Variants in KCNN2 observed in about 807,000 individuals in gnomAD.
KCNN2 encodes potassium calcium-activated channel subfamily N member 2, also known as small conductance calcium-activated potassium channel protein 2.
A neutral mutation model predicts 55.5 loss-of-function variants in KCNN2; 24 were observed. That is an observed-to-expected ratio of 0.43 (90% CI 0.31 to 0.61). The LOEUF (loss-of-function observed/expected upper bound fraction) is 0.61. Among genes scored for constraint, KCNN2 ranks in the 20% least tolerant of loss-of-function variants. The probability of loss-of-function intolerance (pLI) is 0.08; values close to 1 mark genes in which losing one functional copy is unlikely to be tolerated. For synonymous variants in KCNN2, 431 were observed against 336.1 expected (o/e 1.28, Z -3.09); for missense variants, 754 against 853.6 (o/e 0.88, Z 1.45).
At chr5:114,406,784 C>A (rs953238940) in intron 3 of KCNN2, among the ~76,000 whole-genome samples, 8 of 152,026 alleles carry the variant, frequency 5.3e-5, no homozygotes, top group African/African-American at 1.9e-4. Flanking sequence ...TTCTTGAACC[C>A]CATTTCACCC....
At chr5:114,149,574 G>A (rs1187413678) in intron 1 of KCNN2, among the ~76,000 whole-genome samples, 2 of 152,012 alleles carry the variant, frequency 1.3e-5, no homozygotes, top group Non-Finnish European at 2.9e-5. Flanking sequence ...GGGATTTAGG[G>A]TCATTTGATT....
chr5:114,455,681 A>C (rs976453294), intron 3 of KCNN2, among the ~76,000 whole-genome samples: 16 of 152,252 alleles, frequency 1.1e-4, no homozygotes, highest in African/African-American at 3.6e-4. Context: ...CATTTATCCA[A>C]GTTGTGAATG....
chr5:114,133,549 G>C (rs1752112199), intron 1 of KCNN2, among the ~76,000 whole-genome samples: 1 of 152,088 alleles, frequency 6.6e-6, no homozygotes, highest in African/African-American at 2.4e-5. Flanking sequence ...TGCTGTGTTG[G>C]TCACTTCTCT....
intron 3 of KCNN2, among the ~76,000 whole-genome samples, chr5:114,410,054 C>T (rs971104531): frequency 6.6e-6 from 1 of 152,194 alleles, no homozygotes; most frequent in Non-Finnish European, 1.5e-5. Context: ...AGGAAGAACA[C>T]TGTCCTCTTA....
chr5:114,364,225 G>T (rs1021777157), intron 2 of KCNN2, among the ~76,000 whole-genome samples: 1 of 152,170 alleles, frequency 6.6e-6, no homozygotes, highest in Non-Finnish European at 1.5e-5. Flanking sequence ...AGGTGTATTT[G>T]TTGGACCCTT....
At chr5:114,411,691 A>G (rs1759140209) in intron 3 of KCNN2, among the ~76,000 whole-genome samples, 1 of 151,786 alleles carries the variant, frequency 6.6e-6, no homozygotes, top group Non-Finnish European at 1.5e-5. Flanking sequence ...AGAGAGAGGA[A>G]CTCACCTTTT....
intron 2 of KCNN2, among the ~76,000 whole-genome samples, chr5:114,237,888 T>G (rs1754536501): frequency 6.6e-6 from 1 of 152,214 alleles, no homozygotes; most frequent in Non-Finnish European, 1.5e-5. Flanking sequence ...GATGCTCAGC[T>G]CTTGCCCCGT....
intron 2 of KCNN2, among the ~76,000 whole-genome samples, chr5:114,399,450 A>G (rs1323786056): frequency 6.6e-6 from 1 of 152,166 alleles, no homozygotes; most frequent in African/African-American, 2.4e-5. Flanking sequence ...GATAAAGCGT[A>G]TTTGATTGTG....
chr5:114,352,290 A>G (rs1160664896), intron 2 of KCNN2, among the ~76,000 whole-genome samples: 2 of 151,560 alleles, frequency 1.3e-5, no homozygotes, highest in African/African-American at 4.8e-5. Flanking sequence ...AGATTTTAGT[A>G]ATATGCTCTT....
intron 1 of KCNN2, among the ~76,000 whole-genome samples, chr5:114,067,248 T>C (rs1259261510): frequency 6.6e-6 from 1 of 152,174 alleles, no homozygotes; most frequent in Non-Finnish European, 1.5e-5. Context: ...GTGAATGCTT[T>C]GAGCTTCCCT....
At chr5:114,487,205 G>T (rs753861357) in intron 6 of KCNN2, 28 bp downstream of exon 6, 1 of 1,606,016 alleles carries the variant, frequency 6.2e-7, no homozygotes, top group Non-Finnish European at 8.5e-7. Context: ...TTTTTATCCT[G>T]TTGTTGTGTC....
chr5:114,161,536 T>G lies in KCNN2; in HGVS notation c.-270-59944T>G, dbSNP rs2112531445. On this transcript the variant is annotated intron_variant, in intron 1 of 10. Transcript: ENST00000512097. ...TGGCGTTCTCTGTATTTCCTGAATT[T>G]GAATGTTGGCCTGCCTTGCTAGATT... Among the ~76,000 whole-genome samples the G allele has an allele frequency of 2.6e-5, 4 of 152,244 alleles. 1 individual carries two copies. In the South Asian group the frequency reaches 8.3e-4, roughly 32 times the overall value.
At chr5:114,432,882 C>T (rs973174435) in intron 3 of KCNN2, among the ~76,000 whole-genome samples, 9 of 152,210 alleles carry the variant, frequency 5.9e-5, no homozygotes, top group Non-Finnish European at 8.8e-5. Context: ...ACCAGCGCTG[C>T]GCTTGATTTC....
intron 3 of KCNN2, among the ~76,000 whole-genome samples, chr5:114,426,360 A>G (rs1311773302): frequency 6.6e-6 from 1 of 152,122 alleles, no homozygotes; most frequent in African/African-American, 2.4e-5. Flanking sequence ...CATTTTGTAT[A>G]ATTCTTTTTA....
upstream of KCNN2, among the ~76,000 whole-genome samples, chr5:114,358,742 C>G (rs890261945): frequency 4.6e-5 from 7 of 152,118 alleles, no homozygotes; most frequent in African/African-American, 1.7e-4. Flanking sequence ...GTGCAAACTA[C>G]TATCCACGTG....
chr5:114,431,119 C>A (rs546469412), intron 3 of KCNN2, among the ~76,000 whole-genome samples: 1 of 151,824 alleles, frequency 6.6e-6, no homozygotes, highest in Non-Finnish European at 1.5e-5. Flanking sequence ...AGAAACTTAC[C>A]CCCCCATCCC....
At position 114,373,637 on chromosome 5, in the gene KCNN2, A is replaced by ATT. The variant is rs1326341347; in HGVS notation, c.1218+9639_1218+9640dup. Among the ~76,000 whole-genome samples, 123 of 44,832 alleles carry ATT rather than the reference A, an allele frequency of 2.7e-3. 4 individuals carry two copies. Among genetic ancestry groups the ATT allele is most frequent in the African/African-American group, 8.3e-3 (121 of 14,614 alleles). The allele number at this position is 44,832 out of a possible 152,430, so 29.4% of individuals were successfully genotyped here. On this transcript the variant is annotated intron_variant, in intron 2 of 7. Coordinates refer to ENST00000673685, the MANE Select transcript of KCNN2 (RefSeq NM_021614.4). ...CCTCTCTCATGGTGTTGTTATGAAGATTTTATATATATATATATATAAAAT... is the reference window on the plus strand; with the variant it reads ...CCTCTCTCATGGTGTTGTTATGAAGATTTTTTATATATATATATATATAAAAT...
intron 1 of KCNN2, among the ~76,000 whole-genome samples, chr5:114,174,897 A>G (rs529701116): frequency 3.3e-5 from 5 of 152,294 alleles, no homozygotes; most frequent in Admixed American, 6.5e-5. Context: ...AGCCCTTAGT[A>G]TATGTGAAAC....
At chr5:114,338,721 C>T (rs72799661) in intron 2 of KCNN2, among the ~76,000 whole-genome samples, 6,335 of 152,186 alleles carry the variant, frequency 0.042, 173 homozygotes, top group Middle Eastern at 0.061. Context: ...CAGCATTATT[C>T]GTGGGTTTAG....
Sources: gnomAD v4.1 joint callset for allele counts (sites outside exome capture counted in the v4.1 genomes callset) on GRCh38, gnomAD v4.1.1 for gene constraint, MANE v1.5 for transcripts, NCBI Gene and HGNC (gene_info 2026-07-23, HGNC 2026-07-21) for gene names.